Variants in CPED1 observed in about 807,000 individuals in gnomAD.
The protein encoded by CPED1 is cadherin-like and PC-esterase domain-containing protein 1.
In CPED1, 114 loss-of-function variants were observed where a neutral mutation model predicts 128.2. The ratio of observed to expected loss-of-function variants is 0.89; its 90% CI spans 0.76 to 1.04. CPED1 has a LOEUF of 1.04. CPED1 is among the 50% of genes least tolerant of loss of function. CPED1 has a pLI of 0.00. For missense variants in CPED1, 1,211 were observed against 1,207.1 expected, an observed-to-expected ratio of 1.00 and a Z score of -0.05; for synonymous variants, 462 against 426.7, an observed-to-expected ratio of 1.08 and a Z score of -1.02.
chr7:121,222,230 T>C (rs2116624602), intron 16 of CPED1, among the ~76,000 whole-genome samples: 1 of 152,334 alleles, frequency 6.6e-6, no homozygotes, highest in Non-Finnish European at 1.5e-5. Context: ...TCCCATTTCT[T>C]GTTTTTGTCA....
rs1196050672 is a variant in CPED1, at chr7:120,989,680, TG to T, written c.62del (p.Gly21AlafsTer2). ...RRRFCPRPFL[V>X]GLVVAICLFY... is the part of the protein sequence containing the mutation. The stretch of plus-strand genomic sequence containing the variant: ...CGATTTTGCCCCCGACCCTTCTTGG[TG>T]GGCTTAGTGGTGGCAATCTGTCTCT... On this transcript the variant is annotated frameshift_variant, in exon 2 of 23. Coordinates refer to ENST00000310396, the MANE Select transcript of CPED1 (RefSeq NM_024913.5). LOFTEE classifies it high-confidence loss of function. 1 of 1,614,026 alleles carries T rather than the reference TG, an allele frequency of 6.2e-7. No individual in the cohort carries two copies. The highest frequency in any genetic ancestry group is 1.7e-5 in the Admixed American group (1 of 59,998).
At chr7:121,211,084 G>A (rs1236051867) in intron 16 of CPED1, among the ~76,000 whole-genome samples, 1 of 152,034 alleles carries the variant, frequency 6.6e-6, no homozygotes, top group Non-Finnish European at 1.5e-5. Context: ...GGAAACGTAT[G>A]ACCTTTCTAA....
At chr7:121,062,119 CTAT>C (rs1793687262) in intron 4 of CPED1, among the ~76,000 whole-genome samples, 1 of 152,230 alleles carries the variant, frequency 6.6e-6, no homozygotes, top group East Asian at 1.9e-4. Context: ...TGGCTTGGCT[CTAT>C]TATTTTCAAG....
Position 121,136,136 on chromosome 7 carries a change from G to C in CPED1, c.1699+46G>C, listed in dbSNP as rs748739182. On this transcript the variant is annotated intron_variant, in intron 14 of 22. Coordinates refer to ENST00000310396, the MANE Select transcript of CPED1 (RefSeq NM_024913.5). ...TGTAGCAGCATAATAAACAATTAGGGAACAGCCTTACTTTGAAAAAAAATG... is the reference window on the plus strand; with the variant it reads ...TGTAGCAGCATAATAAACAATTAGGCAACAGCCTTACTTTGAAAAAAAATG... 14 of 1,511,952 alleles carry C rather than the reference G, an allele frequency of 9.3e-6. No individual in the cohort carries two copies. In the South Asian group the frequency reaches 1.8e-4, roughly 19 times the overall value. The allele number at this position is 1,511,952 out of a possible 1,614,324, so 93.7% of individuals were successfully genotyped here.
chr7:121,068,925 T>G (rs1793923607), intron 5 of CPED1, among the ~76,000 whole-genome samples: 1 of 152,144 alleles, frequency 6.6e-6, no homozygotes. Context: ...TTGTCTGTTG[T>G]TAGTGGTTTG....
At chr7:121,038,079 G>A (rs771747978) in intron 3 of CPED1, among the ~76,000 whole-genome samples, 6 of 152,140 alleles carry the variant, frequency 3.9e-5, no homozygotes, top group Non-Finnish European at 5.9e-5. Context: ...CATATCATCA[G>A]CAAGCAGCGA....
At chr7:121,068,577 A>T (rs1793912682) in intron 5 of CPED1, among the ~76,000 whole-genome samples, 2 of 151,920 alleles carry the variant, frequency 1.3e-5, no homozygotes, top group Non-Finnish European at 2.9e-5. Flanking sequence ...CTTTTGGCTT[A>T]GGATTGACTT....
intron 4 of CPED1, among the ~76,000 whole-genome samples, chr7:121,060,987 G>GT (rs1305202395): frequency 6.6e-6 from 1 of 151,980 alleles, no homozygotes; most frequent in Non-Finnish European, 1.5e-5. Flanking sequence ...CTTAAGAGCT[G>GT]TAACACTCAC....
chr7:121,193,609 G>A (rs904187002), intron 16 of CPED1, among the ~76,000 whole-genome samples: 1 of 152,030 alleles, frequency 6.6e-6, no homozygotes, highest in Non-Finnish European at 1.5e-5. Flanking sequence ...AGCAAATGAA[G>A]GGCAGAGGAA....
At chr7:121,144,082 G>C (rs984731063) in intron 16 of CPED1, among the ~76,000 whole-genome samples, 1 of 152,046 alleles carries the variant, frequency 6.6e-6, no homozygotes, top group Non-Finnish European at 1.5e-5. Context: ...CTTGTACTCT[G>C]TTTGTGGGAA....
intron 7 of CPED1, among the ~76,000 whole-genome samples, chr7:121,117,077 T>TTATTTA (rs1554436999): frequency 1.6e-5 from 2 of 128,804 alleles, no homozygotes; most frequent in African/African-American, 3.0e-5. Context: ...TATATACACA[T>TTATTTA]TATATATATA....
At chr7:121,016,886 G>T (rs1226122868) in intron 3 of CPED1, among the ~76,000 whole-genome samples, 1 of 152,156 alleles carries the variant, frequency 6.6e-6, no homozygotes, top group African/African-American at 2.4e-5. Context: ...GGTTCCTTTG[G>T]GGGAGAAGAG....
intron 16 of CPED1, among the ~76,000 whole-genome samples, chr7:121,204,623 G>A (rs979662752): frequency 6.6e-6 from 1 of 152,140 alleles, no homozygotes; most frequent in Admixed American, 6.5e-5. Context: ...GGACTGGTCA[G>A]TAGCCCCAAT....
At chr7:121,029,440 G>A (rs2116854350) in intron 3 of CPED1, among the ~76,000 whole-genome samples, 1 of 152,214 alleles carries the variant, frequency 6.6e-6, no homozygotes, top group Middle Eastern at 3.4e-3. Context: ...ATTCATAGTT[G>A]TAGTATAAAA....
At chr7:121,130,934 C>T (rs1246187127) in intron 12 of CPED1, among the ~76,000 whole-genome samples, 1 of 151,882 alleles carries the variant, frequency 6.6e-6, no homozygotes, top group South Asian at 2.1e-4. Context: ...ATTTTATCTC[C>T]ACTAGTTAGG....
intron 3 of CPED1, 54 bp from the exon 4 acceptor site, chr7:121,046,833 C>T (rs1793212188): frequency 8.6e-7 from 1 of 1,162,806 alleles, no homozygotes; most frequent in Non-Finnish European, 1.2e-6. Flanking sequence ...TTAAATATTG[C>T]TTTTAAAATA....
chr7:121,006,499 G>C (rs1792019494), intron 2 of CPED1, among the ~76,000 whole-genome samples: 1 of 151,986 alleles, frequency 6.6e-6, no homozygotes, highest in Non-Finnish European at 1.5e-5. Flanking sequence ...ACAGGGATAG[G>C]GGAAGAGTCT....
chr7:121,229,559 C>T (rs990643899), intron 16 of CPED1, among the ~76,000 whole-genome samples: 1 of 151,878 alleles, frequency 6.6e-6, no homozygotes, highest in African/African-American at 2.4e-5. Flanking sequence ...TCTCAAAATC[C>T]AAATATTGCA....
chr7:121,153,483 G>C (rs891007464), intron 16 of CPED1, among the ~76,000 whole-genome samples: 5 of 152,150 alleles, frequency 3.3e-5, no homozygotes, highest in Admixed American at 3.3e-4. Flanking sequence ...CTTATTGTGT[G>C]TTAGGTTCTA....
Sources: gnomAD v4.1 joint callset for allele counts (sites outside exome capture counted in the v4.1 genomes callset) on GRCh38, gnomAD v4.1.1 for gene constraint, MANE v1.5 for transcripts, NCBI Gene and HGNC (gene_info 2026-07-23, HGNC 2026-07-21) for gene names.